SMAD4: variants seen among roughly 807,000 people sequenced by gnomAD.
The protein encoded by SMAD4 is SMAD family member 4.
In SMAD4, 7 loss-of-function variants were observed where a neutral mutation model predicts 63.2. The observed-to-expected ratio is 0.11, with a 90% CI of 0.06 to 0.21. The LOEUF is 0.21. Ranked by LOEUF, SMAD4 falls within the 10% of genes least tolerant of loss-of-function variation. The pLI, the probability that SMAD4 is intolerant of heterozygous loss-of-function variation, is 1.00. For missense variants in SMAD4, 312 were observed against 693.8 expected (o/e 0.45, Z 6.18); for synonymous variants, 215 against 235.4 (o/e 0.91, Z 0.79).
At chr18:51,038,197 G>T (rs541781612) in intron 1 of SMAD4, among the ~76,000 whole-genome samples, 3 of 149,550 alleles carry the variant, frequency 2.0e-5, no homozygotes, top group African/African-American at 4.9e-5. Context: ...TTCAAGGCTG[G>T]ATTAAGCTAG....
Position 51,084,005 on chromosome 18 carries a change from C to CTT in SMAD4, c.*5538_*5539insTT, listed in dbSNP as rs1371650367. ...TAAACACTTAACGCGCGTGCGCACG[C>CTT]GCGCGCGCACACACACACACACACA... On this transcript the variant is annotated 3_prime_UTR_variant, in exon 12 of 12. Transcript: ENST00000342988. 3.6e-5 allele frequency: 4 copies of CTT among 110,580 alleles called. No homozygotes were observed. Among genetic ancestry groups the CTT allele is most frequent in the Middle Eastern group, 2.1e-3 (1 of 482 alleles). 6.8% of individuals were successfully genotyped at this position (110,580 alleles called of 1,614,324 possible).
chr18:51,075,378 T>C (rs1910445836), intron 10 of SMAD4, among the ~76,000 whole-genome samples: 1 of 152,232 alleles, frequency 6.6e-6, no homozygotes, highest in African/African-American at 2.4e-5. Context: ...AGATTATTTA[T>C]GCTTGCTTGT....
chr18:51,069,963 T>C (rs1316337394), intron 10 of SMAD4, among the ~76,000 whole-genome samples: 1 of 152,242 alleles, frequency 6.6e-6, no homozygotes, highest in Non-Finnish European at 1.5e-5. Flanking sequence ...AGTTTGGATG[T>C]ATGGATTGTT....
In SMAD4 at chr18:51,079,453, G is replaced by A. The variant is rs1194911958; in HGVS notation, c.*986G>A. On this transcript the variant is annotated 3_prime_UTR_variant, in exon 12 of 12. Coordinates refer to ENST00000342988, the MANE Select transcript of SMAD4 (RefSeq NM_005359.6). ...TAAATTCTATGTTAAATACTGTGCA[G>A]AATAATGGAAACATTACAGTTCATA... 4.3e-6 allele frequency: 1 copy of A among 233,282 alleles called. No homozygotes were observed. Among genetic ancestry groups the A allele is most frequent in the Non-Finnish European group, 8.5e-6 (1 of 117,932 alleles). 14.5% of individuals were successfully genotyped at this position (233,282 alleles called of 1,614,324 possible).
intron 4 of SMAD4, chr18:51,051,270 A>C (rs942631028): frequency 4.7e-6 from 2 of 421,372 alleles, no homozygotes; most frequent in African/African-American, 2.1e-5. Flanking sequence ...GCCTTTCTAT[A>C]GTGACTGTAG....
chr18:51,068,136 A>C (rs1910213703), intron 10 of SMAD4, among the ~76,000 whole-genome samples: 1 of 152,244 alleles, frequency 6.6e-6, no homozygotes, highest in Non-Finnish European at 1.5e-5. Flanking sequence ...ATCCATAAAA[A>C]TGGAATTGCC....
chr18:51,069,366 C>A (rs533638107), intron 10 of SMAD4, among the ~76,000 whole-genome samples: 1 of 152,276 alleles, frequency 6.6e-6, no homozygotes, highest in Non-Finnish European at 1.5e-5. Flanking sequence ...CAGCCCAACT[C>A]AGCTCCCAAA....
At chr18:51,073,025 G>A (rs774775731) in intron 10 of SMAD4, among the ~76,000 whole-genome samples, 8 of 152,064 alleles carry the variant, frequency 5.3e-5, no homozygotes, top group East Asian at 3.9e-4. Flanking sequence ...AATAATTTTA[G>A]GTCTTCTGGT....
rs559471969 is a variant in SMAD4 at position 51,082,732 on chromosome 18, GT to G, written c.*4277del. On this transcript the variant is annotated 3_prime_UTR_variant, in exon 12 of 12. Transcript: ENST00000342988. ...AGACAGCTATGGTTTTGAATTTTTAGTTTTTTTTTTTTAACCCACTTCCCCT... is the reference window on the plus strand; with the variant it reads ...AGACAGCTATGGTTTTGAATTTTTAGTTTTTTTTTTTAACCCACTTCCCCT... 9.7e-3 allele frequency: 1,989 copies of G among 204,048 alleles called. No individual in the cohort carries two copies. Among genetic ancestry groups the G allele is most frequent in the Middle Eastern group, 0.019 (12 of 646 alleles). 12.6% of individuals were successfully genotyped at this position (204,048 alleles called of 1,614,324 possible). A position where few individuals can be genotyped will look rare whatever the true frequency, so the allele number is the denominator to read the frequency against.
At position 51,084,258 on chromosome 18, in the gene SMAD4, C is replaced by A; in HGVS notation, c.*5791C>A. On this transcript the variant is annotated 3_prime_UTR_variant, in exon 12 of 12. Coordinates refer to ENST00000342988, the MANE Select transcript of SMAD4 (RefSeq NM_005359.6). Reference sequence around the variant, plus strand: ...ATGGATTGAAAACCTGTTGTTAATGCTTAGTGATATTATGCTCAAAACAAG... The same window carrying A: ...ATGGATTGAAAACCTGTTGTTAATGATTAGTGATATTATGCTCAAAACAAG... 1 of 228,766 alleles carries A rather than the reference C, an allele frequency of 4.4e-6. No homozygotes were observed. 14.2% of individuals were successfully genotyped at this position (228,766 alleles called of 1,614,324 possible).
At position 51,046,938 on chromosome 18, in the gene SMAD4, C is replaced by T. The variant is rs757567812; in HGVS notation, c.-109C>T. 3.2e-6 allele frequency: 3 copies of T among 936,412 alleles called. No homozygotes were observed. Among genetic ancestry groups the T allele is most frequent in the Non-Finnish European group, 5.0e-6 (3 of 595,470 alleles). The allele number at this position is 936,412 out of a possible 1,614,324, so 58.0% of individuals were successfully genotyped here. ...TTTTTAGGTTATCCTGAATACATGT[C>T]TAACAATTTTCCTTGCAACGTTAGC... On this transcript the variant is annotated 5_prime_UTR_variant, in exon 2 of 12. Coordinates refer to ENST00000342988, the MANE Select transcript of SMAD4 (RefSeq NM_005359.6).
intron 4 of SMAD4, chr18:51,053,275 AG>A (rs966134035): frequency 2.0e-5 from 3 of 152,126 alleles, no homozygotes; most frequent in Non-Finnish European, 2.9e-5. Flanking sequence ...AAAAAACCTA[AG>A]ATGTCCAGGA....
Position 51,078,520 on chromosome 18 carries a change from A to G in SMAD4, c.*53A>G, listed in dbSNP as rs1304506555. On this transcript the variant is annotated 3_prime_UTR_variant, in exon 12 of 12. Transcript: ENST00000342988. ...TTATCAGGATGGTGGACTACAAAAT[A>G]CAATCCTGTTTATAATCTGAAGATA... 7.1e-5 allele frequency: 84 copies of G among 1,184,994 alleles called. No individual in the cohort carries two copies. Among genetic ancestry groups the G allele is most frequent in the Non-Finnish European group, 9.8e-5 (79 of 802,618 alleles). 73.4% of individuals were successfully genotyped at this position (1,184,994 alleles called of 1,614,324 possible). A position where few individuals can be genotyped will look rare whatever the true frequency, so the allele number is the denominator to read the frequency against.
At chr18:51,035,647 C>T (rs2144377845) in intron 1 of SMAD4, among the ~76,000 whole-genome samples, 1 of 152,290 alleles carries the variant, frequency 6.6e-6, no homozygotes, top group Non-Finnish European at 1.5e-5. Flanking sequence ...AGGCAGGTTG[C>T]ATTGGGCTTT....
intron 9 of SMAD4, among the ~76,000 whole-genome samples, chr18:51,066,039 T>A (rs778132024): frequency 6.1e-4 from 83 of 135,488 alleles, no homozygotes; most frequent in Non-Finnish European, 9.0e-4. Context: ...TTTTATACAG[T>A]CATTAAAATG....
intron 8 of SMAD4, 92 bp from the exon 9 acceptor site, chr18:51,065,331 C>CT: frequency 9.4e-7 from 1 of 1,066,138 alleles, no homozygotes; most frequent in East Asian, 2.4e-5. Flanking sequence ...TCCCTTTACC[C>CT]TTTCTTTTAG....
chr18:51,043,391 A>G (rs1909446465), intron 1 of SMAD4, among the ~76,000 whole-genome samples: 1 of 152,182 alleles, frequency 6.6e-6, no homozygotes, highest in African/African-American at 2.4e-5. Context: ...TTTCCATTTT[A>G]TAGATGAGAG....
At chr18:51,076,233 A>G (rs887990921) in intron 10 of SMAD4, among the ~76,000 whole-genome samples, 9 of 152,258 alleles carry the variant, frequency 5.9e-5, no homozygotes, top group Non-Finnish European at 1.3e-4. Flanking sequence ...AGCAAAAATG[A>G]TAAGACAAAA....
intron 1 of SMAD4, among the ~76,000 whole-genome samples, chr18:51,039,439 GCTAA>G (rs933293036): frequency 1.3e-5 from 2 of 151,934 alleles, no homozygotes; most frequent in African/African-American, 4.8e-5. Flanking sequence ...TAGTTTGCAG[GCTAA>G]CTATCCCCAG....
Sources: allele counts gnomAD v4.1 joint callset (sites outside exome capture counted in the v4.1 genomes callset), GRCh38; gene constraint gnomAD v4.1.1; transcripts MANE v1.5; gene names NCBI Gene and HGNC (gene_info 2026-07-23, HGNC 2026-07-21).